Variants in PCDH10 observed in about 807,000 individuals in gnomAD.
PCDH10 encodes the protein protocadherin 10.
In PCDH10, 15 loss-of-function variants were observed where a neutral mutation model predicts 74.4. The ratio of observed to expected loss-of-function variants is 0.20; its 90% CI spans 0.13 to 0.31. The LOEUF is 0.31. Among genes scored for constraint, PCDH10 ranks in the 10% least tolerant of loss-of-function variants. The pLI is 1.00. For missense variants in PCDH10, 1,260 were observed against 1,390.2 expected (o/e 0.91, Z 1.49); for synonymous variants, 619 against 589.8 (o/e 1.05, Z -0.72).
chr4:133,182,806 C>T (rs1262899886), intron 4 of PCDH10, among the ~76,000 whole-genome samples: 1 of 152,014 alleles, frequency 6.6e-6, no homozygotes, highest in Non-Finnish European at 1.5e-5. Context: ...AGGTTAGGGT[C>T]ATATCCTGTT....
intron 2 of PCDH10, 110 bp from the exon 3 acceptor site, chr4:133,154,807 T>TAAGA (rs1726828857): frequency 2.7e-6 from 2 of 730,320 alleles, no homozygotes; most frequent in African/African-American, 3.5e-5. Flanking sequence ...CAAAGCCAAC[T>TAAGA]AAGAGGTCTG....
intron 4 of PCDH10, among the ~76,000 whole-genome samples, chr4:133,167,576 C>A (rs1727112235): frequency 6.6e-6 from 1 of 151,398 alleles, no homozygotes; most frequent in Admixed American, 6.6e-5. Flanking sequence ...GGCCCATACA[C>A]CGCTAAATGA....
chr4:133,194,478 G>A lies in PCDH10; in HGVS notation c.*4318G>A, dbSNP rs1727750931. 6.6e-6 allele frequency: 1 copy of A among 151,772 alleles called. No individual in the cohort carries two copies. Among genetic ancestry groups the A allele is most frequent in the South Asian group, 2.1e-4 (1 of 4,832 alleles). 9.4% of individuals were successfully genotyped at this position (151,772 alleles called of 1,614,324 possible). A position where few individuals can be genotyped will look rare whatever the true frequency, so the allele number is the denominator to read the frequency against. ...AAAACAGGGTATTATAACAAAAGAT[G>A]AGTTTCAATCTTAACTACAGTGTTT... On this transcript the variant is annotated 3_prime_UTR_variant, in exon 5 of 5. Transcript: ENST00000264360.
chr4:133,170,075 A>G, intron 4 of PCDH10, among the ~76,000 whole-genome samples: 1 of 152,046 alleles, frequency 6.6e-6, no homozygotes, highest in South Asian at 2.1e-4. Flanking sequence ...ACTTCAATTT[A>G]GGTGAGGAGA....
chr4:133,179,621 A>G (rs1727367265), intron 4 of PCDH10, among the ~76,000 whole-genome samples: 1 of 152,136 alleles, frequency 6.6e-6, no homozygotes, highest in Non-Finnish European at 1.5e-5. Context: ...TAATGAGAAG[A>G]CTTCTCAGAC....
chr4:133,173,463 T>C (rs900211452), intron 4 of PCDH10, among the ~76,000 whole-genome samples: 63 of 152,126 alleles, frequency 4.1e-4, no homozygotes, highest in African/African-American at 1.5e-3. Context: ...GGAAACATTT[T>C]ACCTAGAAAG....
intron 4 of PCDH10, among the ~76,000 whole-genome samples, chr4:133,186,716 A>G (rs1256100170): frequency 6.6e-6 from 1 of 152,008 alleles, no homozygotes; most frequent in Non-Finnish European, 1.5e-5. Flanking sequence ...TAAAAGAATA[A>G]TAGGTTTTGT....
At chr4:133,187,915 C>A (rs1310805051) in intron 4 of PCDH10, among the ~76,000 whole-genome samples, 1 of 151,978 alleles carries the variant, frequency 6.6e-6, no homozygotes, top group African/African-American at 2.4e-5. Context: ...ATTTTTATTA[C>A]TCTAAACATA....
rs1430397097 is a variant in PCDH10, at chr4:133,191,863, A to G, written c.*1703A>G. Reference sequence around the variant, plus strand: ...AGTTTGAGCTGCACTGTGTTATTAAAGAATAGACTAAAACTTAACATTTGA... The same window carrying G: ...AGTTTGAGCTGCACTGTGTTATTAAGGAATAGACTAAAACTTAACATTTGA... On this transcript the variant is annotated 3_prime_UTR_variant, in exon 5 of 5. Transcript: ENST00000264360. The G allele has an allele frequency of 1.3e-5, 2 of 151,596 alleles. No individual in the cohort carries two copies. Among genetic ancestry groups the G allele is most frequent in the Non-Finnish European group, 3.0e-5 (2 of 67,694 alleles). The allele number at this position is 151,596 out of a possible 1,614,324, so 9.4% of individuals were successfully genotyped here.
intron 4 of PCDH10, among the ~76,000 whole-genome samples, chr4:133,188,602 C>T (rs1189293627): frequency 2.0e-5 from 3 of 148,270 alleles, no homozygotes; most frequent in African/African-American, 7.4e-5. Context: ...TTATACTACA[C>T]AATACATGTA....
chr4:133,173,626 A>G (rs2125867351), intron 4 of PCDH10, among the ~76,000 whole-genome samples: 1 of 152,156 alleles, frequency 6.6e-6, no homozygotes, highest in South Asian at 2.1e-4. Flanking sequence ...GAGACAATTG[A>G]AAAAGCATTG....
chr4:133,183,870 A>G (rs1727471307), intron 4 of PCDH10, among the ~76,000 whole-genome samples: 1 of 152,124 alleles, frequency 6.6e-6, no homozygotes, highest in Admixed American at 6.6e-5. Context: ...ATTATGCTCA[A>G]CATGCTTCTC....
intron 2 of PCDH10, 158 bp from the exon 3 acceptor site, chr4:133,154,759 G>T: frequency 1.7e-6 from 1 of 601,062 alleles, no homozygotes; most frequent in Non-Finnish European, 2.9e-6. Flanking sequence ...TTTTTAAATA[G>T]TTAAGCTTAG....
At chr4:133,167,926 GA>G (rs1242991648) in intron 4 of PCDH10, among the ~76,000 whole-genome samples, 1 of 150,616 alleles carries the variant, frequency 6.6e-6, no homozygotes, top group East Asian at 1.9e-4. Context: ...CTTGACATCA[GA>G]AAAAAAATTG....
intron 2 of PCDH10, among the ~76,000 whole-genome samples, chr4:133,206,238 C>T (rs1376634434): frequency 6.6e-6 from 1 of 152,088 alleles, no homozygotes; most frequent in Non-Finnish European, 1.5e-5. Context: ...AAAATCTAGA[C>T]GACCCAAGAT....
chr4:133,196,584 A>G (rs1275480794), downstream of PCDH10, among the ~76,000 whole-genome samples: 2 of 152,206 alleles, frequency 1.3e-5, no homozygotes, highest in Non-Finnish European at 2.9e-5. Context: ...CCTAAACCAT[A>G]ATCTCTAATC....
intron 2 of PCDH10, among the ~76,000 whole-genome samples, chr4:133,200,093 C>T (rs1351242564): frequency 6.6e-5 from 10 of 151,766 alleles, no homozygotes; most frequent in South Asian, 2.1e-4. Flanking sequence ...CCACCGCGCC[C>T]GGCCTTTTAT....
At chr4:133,183,861 T>C (rs972915842) in intron 4 of PCDH10, among the ~76,000 whole-genome samples, 1 of 152,164 alleles carries the variant, frequency 6.6e-6, no homozygotes, top group Admixed American at 6.6e-5. Flanking sequence ...GAGACAATTA[T>C]TATGCTCAAC....
chr4:133,169,766 T>G (rs143258729), intron 4 of PCDH10, among the ~76,000 whole-genome samples: 1 of 152,110 alleles, frequency 6.6e-6, no homozygotes, highest in Non-Finnish European at 1.5e-5. Context: ...AATCTACAAA[T>G]TCATTTGCCT....
Sources: allele counts gnomAD v4.1 joint callset (sites outside exome capture counted in the v4.1 genomes callset), GRCh38; gene constraint gnomAD v4.1.1; transcripts MANE v1.5; gene names NCBI Gene and HGNC (gene_info 2026-07-23, HGNC 2026-07-21).